The following C6 variants were observed in gnomAD, a reference collection of about 807,000 sequenced individuals.
C6 encodes the protein complement component C6.
C6 carries 101 observed loss-of-function variants against 112.9 expected under a neutral mutation model. The ratio of observed to expected loss-of-function variants is 0.89; its 90% confidence interval spans 0.76 to 1.06. The LOEUF is 1.06. Among genes scored for constraint, C6 ranks in the 50% least tolerant of loss-of-function variants. The probability of loss-of-function intolerance (pLI) is 0.00; values close to 1 mark genes in which losing one functional copy is unlikely to be tolerated. For synonymous variants in C6, 431 were observed against 384.1 expected (o/e 1.12, Z -1.43); for missense variants, 1,202 against 1,104.6 (o/e 1.09, Z -1.25).
chr5:41,150,953 T>C (rs999533149), intron 15 of C6, among the ~76,000 whole-genome samples: 1 of 150,580 alleles, frequency 6.6e-6, no homozygotes, highest in African/African-American at 2.4e-5. Flanking sequence ...GTGGTTGAAG[T>C]GCTGAAAAAC....
chr5:41,234,357 G>A (rs1448964006), intron 1 of C6, among the ~76,000 whole-genome samples: 1 of 125,650 alleles, frequency 8.0e-6, no homozygotes, highest in South Asian at 2.5e-4. Context: ...TTTGTTTTTT[G>A]TTTTTTGTTT....
intron 9 of C6, among the ~76,000 whole-genome samples, chr5:41,168,273 A>G (rs890248430): frequency 6.6e-6 from 1 of 152,188 alleles, no homozygotes; most frequent in African/African-American, 2.4e-5. Context: ...AGCACTATCA[A>G]AGTAATGGCT....
intron 1 of C6, among the ~76,000 whole-genome samples, chr5:41,254,067 G>A (rs1181503782): frequency 2.0e-5 from 3 of 152,174 alleles, no homozygotes; most frequent in Non-Finnish European, 4.4e-5. Context: ...GTACGTTCCT[G>A]ACTGCAATAT....
At chr5:41,197,366 G>T (rs1750693298) in intron 4 of C6, among the ~76,000 whole-genome samples, 1 of 152,098 alleles carries the variant, frequency 6.6e-6, no homozygotes, top group African/African-American at 2.4e-5. Flanking sequence ...TTTTTAAACA[G>T]TGCATTTCTA....
intron 1 of C6, among the ~76,000 whole-genome samples, chr5:41,232,720 T>A (rs982281815): frequency 5.3e-5 from 8 of 152,112 alleles, no homozygotes; most frequent in African/African-American, 1.9e-4. Flanking sequence ...TAATTCCTGA[T>A]TATTTTTCTG....
chr5:41,190,295 A>G (rs1043769103), intron 5 of C6, among the ~76,000 whole-genome samples: 1 of 152,144 alleles, frequency 6.6e-6, no homozygotes, highest in Non-Finnish European at 1.5e-5. Context: ...CTTTTTGATA[A>G]TAGTCATTTC....
intron 17 of C6, among the ~76,000 whole-genome samples, chr5:41,147,656 C>T (rs1380292172): frequency 6.6e-6 from 1 of 152,170 alleles, no homozygotes; most frequent in Admixed American, 6.5e-5. Context: ...GCAAAGATTC[C>T]TTTGCATACT....
chr5:41,149,894 T>C, intron 16 of C6, 41 bp downstream of exon 16: 1 of 1,399,540 alleles, frequency 7.1e-7, no homozygotes, highest in Non-Finnish European at 1.0e-6. Context: ...ACTAGACTGG[T>C]TTTCCCAATT....
intron 9 of C6, among the ~76,000 whole-genome samples, chr5:41,166,373 G>T (rs745610341): frequency 3.3e-5 from 5 of 151,752 alleles, no homozygotes; most frequent in Non-Finnish European, 5.9e-5. Flanking sequence ...TCCTCTCTAT[G>T]CCTCTGTGTC....
At chr5:41,160,402 A>G in intron 10 of C6, 35 bp from the exon 11 acceptor site, 1 of 1,535,574 alleles carries the variant, frequency 6.5e-7, no homozygotes, top group Non-Finnish European at 9.0e-7. Flanking sequence ...GTCCAGTCAC[A>G]TCCCCTTTGG....
upstream of C6, among the ~76,000 whole-genome samples, chr5:41,216,512 C>T (rs1170630095): frequency 6.6e-6 from 1 of 152,078 alleles, no homozygotes; most frequent in African/African-American, 2.4e-5. Context: ...GCTTCCTAGT[C>T]CACCTGTCTT....
At position 41,184,296 on chromosome 5, in the gene C6, T is replaced by A. The variant is rs372686321; in HGVS notation, c.726+1774A>T. Among the ~76,000 whole-genome samples the A allele has an allele frequency of 9.9e-4, 151 of 152,262 alleles. No individual in the cohort carries two copies. In the South Asian group the frequency reaches 0.016, roughly 16 times the overall value. On this transcript the variant is annotated intron_variant, in intron 6 of 17. Transcript: ENST00000337836. ...TAGTTTATGAAGGTGCTCAGACTTT[T>A]AACCCACTGTGTGGAGTTTTAATGT...
In C6 at chr5:41,201,676, C is replaced by T. The variant is rs745854893; in HGVS notation, c.182G>A (p.Cys61Tyr). Residue 61 changes from cysteine to tyrosine, a missense_variant, in exon 3 of 18, where the codon TGT becomes TAT. Transcript: ENST00000337836. ...CTCCTGCTTGCTGCAAATCTGTTCA[C>T]AAAAGTTTTCCTGGTAGTACTTATC... ...VVDKYYQENFCEQICSKQETR... is the reference protein window; with the variant it reads ...VVDKYYQENFYEQICSKQETR... The T allele has an allele frequency of 1.2e-6, 2 of 1,613,644 alleles. No individual in the cohort carries two copies. The highest frequency in any genetic ancestry group is 2.2e-5 in the South Asian group (2 of 91,070).
intron 6 of C6, among the ~76,000 whole-genome samples, 200 bp from the exon 7 acceptor site, chr5:41,181,759 A>T (rs1308553368): frequency 6.6e-6 from 1 of 152,202 alleles, no homozygotes; most frequent in Admixed American, 6.5e-5. Flanking sequence ...ATAATCACCA[A>T]CACTTAATGA....
At chr5:41,211,570 C>T (rs976400219) in intron 1 of C6, among the ~76,000 whole-genome samples, 2 of 151,782 alleles carry the variant, frequency 1.3e-5, no homozygotes, top group Non-Finnish European at 2.9e-5. Context: ...CATTTGGGAG[C>T]TGAGGCTCCC....
At chr5:41,221,955 A>C (rs890703353) in intron 1 of C6, among the ~76,000 whole-genome samples, 18 of 152,260 alleles carry the variant, frequency 1.2e-4, no homozygotes, top group Non-Finnish European at 7.4e-5. Context: ...ACCTCAGGTC[A>C]GGAGTTTGAG....
chr5:41,153,977 A>G lies in C6; in HGVS notation c.2123T>C (p.Val708Ala). The G allele has an allele frequency of 2.5e-6, 4 of 1,613,806 alleles. No individual in the cohort carries two copies. The highest frequency in any genetic ancestry group is 3.4e-6 in the Non-Finnish European group (4 of 1,179,794). Residue 708 changes from valine (V) to alanine (A), a missense_variant, in exon 15 of 18, where the codon GTT becomes GCT. Coordinates refer to ENST00000337836, the MANE Select transcript of C6 (RefSeq NM_000065.5). ...TGTAATTGTCAGGACTTCCTGCACA[A>G]CTGGCTTGATGCACTCCGTCCCTGC... The part of the protein sequence containing the change: ...ECQRTECIKP[V>A]VQEVLTITPF...
chr5:41,219,361 G>A (rs1739025996), intron 1 of C6, among the ~76,000 whole-genome samples: 1 of 152,150 alleles, frequency 6.6e-6, no homozygotes, highest in Non-Finnish European at 1.5e-5. Flanking sequence ...GAGAAAGAAA[G>A]GCCATTCTGT....
At chr5:41,254,042 A>T (rs1203687033) in intron 1 of C6, among the ~76,000 whole-genome samples, 2 of 152,250 alleles carry the variant, frequency 1.3e-5, no homozygotes, top group Non-Finnish European at 2.9e-5. Context: ...TTCTAGGAAT[A>T]ACTTATGTAT....
Sources: allele counts gnomAD v4.1 joint callset (sites outside exome capture counted in the v4.1 genomes callset), GRCh38; gene constraint gnomAD v4.1.1; transcripts MANE v1.5; gene names NCBI Gene and HGNC (gene_info 2026-07-23, HGNC 2026-07-21).